Variants in CLNK observed in about 807,000 individuals in gnomAD.
CLNK encodes cytokine dependent hematopoietic cell linker.
A neutral mutation model predicts 68.6 loss-of-function variants in CLNK; 74 were observed. The observed-to-expected ratio is 1.08, with a 90% CI of 0.89 to 1.31. CLNK has a LOEUF of 1.31. CLNK is among the 50% of genes most tolerant of loss of function. CLNK has a pLI of 0.00. For synonymous variants in CLNK, 198 were observed against 172.2 expected (o/e 1.15, Z -1.17); for missense variants, 553 against 515.3 (o/e 1.07, Z -0.71).
intron 2 of CLNK, among the ~76,000 whole-genome samples, chr4:10,617,460 G>C (rs535834994): frequency 1.3e-5 from 2 of 152,314 alleles, no homozygotes; most frequent in African/African-American, 4.8e-5. Flanking sequence ...ATATGTAACT[G>C]TAAGGTATGG....
At chr4:10,732,870 A>G in the CLNK span, among the ~76,000 whole-genome samples, 2 of 152,166 alleles carry the variant, frequency 1.3e-5, no homozygotes, top group Admixed American at 1.3e-4. Context: ...ATCTGCTAAT[A>G]TATTTTTGCC....
chr4:10,689,745 A>ATTTTTTTTTTTTTTTTTTT (rs71651341), upstream of CLNK, among the ~76,000 whole-genome samples: 118 of 100,068 alleles, frequency 1.2e-3, 20 homozygotes, highest in South Asian at 2.5e-3. Context: ...AAACCCATGC[A>ATTTTTTTTTTTTTTTTTTT]TTTTTTTTTT....
chr4:10,659,599 C>T (rs1370926589), intron 2 of CLNK, among the ~76,000 whole-genome samples: 1 of 152,118 alleles, frequency 6.6e-6, no homozygotes, highest in Non-Finnish European at 1.5e-5. Flanking sequence ...TCCTTTCTAA[C>T]CTCTCTCAGA....
chr4:10,693,732 A>G, the CLNK span, among the ~76,000 whole-genome samples: 1 of 152,192 alleles, frequency 6.6e-6, no homozygotes, highest in African/African-American at 2.4e-5. Flanking sequence ...GAAAATTCCT[A>G]TAGAAAAACA....
the CLNK span, among the ~76,000 whole-genome samples, chr4:10,698,264 G>A: frequency 1.3e-5 from 2 of 152,046 alleles, no homozygotes; most frequent in African/African-American, 2.4e-5. Context: ...CAATTATAGG[G>A]TTTTATTAAA....
Position 10,564,725 on chromosome 4 carries a change from C to G in CLNK, c.345G>C (p.Arg115Ser). 1.9e-6 allele frequency: 3 copies of G among 1,613,832 alleles called. No homozygotes were observed. Among genetic ancestry groups the G allele is most frequent in the Non-Finnish European group, 2.5e-6 (3 of 1,179,758 alleles). ...TCGGCTGTCCAATGGAGATAGAGGT[C>G]CTGGTGTCTAACGGAAGGGGAGTGT... ...AMDTPLPLDT[R>S]TSISIGQPTW... The change falls in exon 7 of 19, where the codon AGG (arginine) becomes AGC (serine). Residue 115 changes from arginine (R) to serine (S), a missense_variant. By Grantham distance (110) the Arg-to-Ser change is moderately radical (BLOSUM62 -1). Transcript: ENST00000226951.
chr4:10,500,234 T>G (rs1716982765), intron 18 of CLNK, among the ~76,000 whole-genome samples: 1 of 152,170 alleles, frequency 6.6e-6, no homozygotes, highest in African/African-American at 2.4e-5. Flanking sequence ...TACCCCTTCC[T>G]TCATCAACAG....
intron 2 of CLNK, among the ~76,000 whole-genome samples, chr4:10,606,308 C>A (rs1012173144): frequency 6.6e-6 from 1 of 152,166 alleles, no homozygotes; most frequent in Non-Finnish European, 1.5e-5. Context: ...CGCCCCAACA[C>A]CTTGTCCCAC....
chr4:10,628,455 T>C (rs1489076414), intron 2 of CLNK, among the ~76,000 whole-genome samples: 1 of 152,186 alleles, frequency 6.6e-6, no homozygotes, highest in African/African-American at 2.4e-5. Context: ...TCGGTCTGTA[T>C]TGATGTTAAC....
chr4:10,602,943 G>T (rs553583559), intron 2 of CLNK, among the ~76,000 whole-genome samples: 1 of 152,176 alleles, frequency 6.6e-6, no homozygotes, highest in African/African-American at 2.4e-5. Flanking sequence ...GCAAGTTGAC[G>T]GTGGAGAGTA....
intron 10 of CLNK, among the ~76,000 whole-genome samples, chr4:10,541,081 G>A (rs1268446772): frequency 6.6e-6 from 1 of 151,932 alleles, no homozygotes; most frequent in Non-Finnish European, 1.5e-5. Flanking sequence ...AGTCATGGTG[G>A]CATGCACCTG....
chr4:10,530,484 C>G (rs1486160965), intron 12 of CLNK, among the ~76,000 whole-genome samples: 2 of 152,146 alleles, frequency 1.3e-5, no homozygotes, highest in Non-Finnish European at 2.9e-5. Flanking sequence ...AGCGTCTTGG[C>G]AAAAGATAAG....
intron 2 of CLNK, among the ~76,000 whole-genome samples, chr4:10,624,776 C>A (rs1311102577): frequency 2.0e-5 from 3 of 151,974 alleles, no homozygotes; most frequent in Admixed American, 6.6e-5. Context: ...TATTCTTTTG[C>A]AGAATCTTGA....
At chr4:10,701,816 C>T in the CLNK span, among the ~76,000 whole-genome samples, 1 of 152,138 alleles carries the variant, frequency 6.6e-6, no homozygotes, top group African/African-American at 2.4e-5. Flanking sequence ...AAAGTGAAAT[C>T]CAGGTAGACA....
At chr4:10,729,616 T>C in the CLNK span, among the ~76,000 whole-genome samples, 12 of 152,282 alleles carry the variant, frequency 7.9e-5, no homozygotes, top group Non-Finnish European at 1.8e-4. Context: ...AATGAAATCA[T>C]GCCTTTTGAA....
At chr4:10,520,497 A>G (rs1718013427) in intron 15 of CLNK, among the ~76,000 whole-genome samples, 1 of 152,254 alleles carries the variant, frequency 6.6e-6, no homozygotes, top group Admixed American at 6.5e-5. Flanking sequence ...ATCCTAAGAC[A>G]GAGCAATTTC....
At chr4:10,631,993 G>C (rs1187342430) in intron 2 of CLNK, among the ~76,000 whole-genome samples, 5 of 152,210 alleles carry the variant, frequency 3.3e-5, no homozygotes, top group African/African-American at 1.2e-4. Context: ...TTTACAGATT[G>C]AGTTGCAGTA....
intron 1 of CLNK, among the ~76,000 whole-genome samples, chr4:10,671,993 C>T (rs1430419878): frequency 2.0e-5 from 3 of 152,134 alleles, no homozygotes; most frequent in Admixed American, 6.5e-5. Context: ...TACGCAGCTA[C>T]TTAGGTCGTA....
At chr4:10,650,476 A>C (rs967968286) in intron 2 of CLNK, among the ~76,000 whole-genome samples, 1 of 152,132 alleles carries the variant, frequency 6.6e-6, no homozygotes, top group Non-Finnish European at 1.5e-5. Flanking sequence ...AAAACCAAAA[A>C]ACATAGAGAA....
Sources: allele counts gnomAD v4.1 joint callset (sites outside exome capture counted in the v4.1 genomes callset), GRCh38; gene constraint gnomAD v4.1.1; transcripts MANE v1.5; gene names NCBI Gene and HGNC (gene_info 2026-07-23, HGNC 2026-07-21).